Variants in XPO4 observed in about 807,000 individuals in gnomAD.
XPO4 encodes the protein exportin 4, also known as exportin-4.
Under a neutral mutation model 143.0 loss-of-function variants are expected in XPO4, and 39 were observed. That is an observed-to-expected ratio of 0.27 (90% CI 0.21 to 0.36). The LOEUF is 0.36. Ranked by LOEUF, XPO4 falls within the 10% of genes least tolerant of loss-of-function variation. The pLI, the probability that XPO4 is intolerant of heterozygous loss-of-function variation, is 1.00. For missense variants in XPO4, 907 were observed against 1,348.0 expected (o/e 0.67, Z 5.12); for synonymous variants, 439 against 474.0 (o/e 0.93, Z 0.96).
At chr13:20,850,899 T>C in intron 4 of XPO4, 4 of 985,368 alleles carry the variant, frequency 4.1e-6, no homozygotes, top group Non-Finnish European at 4.8e-6. Context: ...GAAAATTAGT[T>C]ATCTAATTTA....
chr13:20,845,554 T>C (rs2060021813), intron 4 of XPO4, among the ~76,000 whole-genome samples: 1 of 152,184 alleles, frequency 6.6e-6, no homozygotes. Context: ...CTAAGGCCTC[T>C]CACAGAAAAA....
rs988917263 is a variant in XPO4, at chr13:20,881,811, G to A, written c.70-13110C>T. The stretch of plus-strand genomic sequence containing the variant: ...GATCAAAGAACAGATTAGATACATC[G>A]GGGAAAAAATTAGGGGTTGGGCACA... On this transcript the variant is annotated intron_variant, in intron 1 of 22. Coordinates refer to ENST00000255305, the MANE Select transcript of XPO4 (RefSeq NM_022459.5). 4.6e-5 allele frequency among the ~76,000 whole-genome samples: 7 copies of A among 151,722 alleles called. 1 individual carries two copies. The highest frequency in any genetic ancestry group is 1.9e-4 in the East Asian group (1 of 5,182).
rs1168882983 is a variant in XPO4 at position 20,889,439 on chromosome 13, G to C, written c.69+13231C>G. ...TAATTTTGTCCCCCAAGGGACATCT[G>C]GCAGTGTATGGAAACATTTCTGGTT... On this transcript the variant is annotated intron_variant, in intron 1 of 22. Coordinates refer to ENST00000255305, the MANE Select transcript of XPO4 (RefSeq NM_022459.5). Among the ~76,000 whole-genome samples the C allele has an allele frequency of 2.0e-5, 3 of 152,144 alleles. No individual in the cohort carries two copies. The East Asian group carries it at 5.8e-4, about 29-fold the overall frequency.
At chr13:20,892,021 T>C (rs887260165) in intron 1 of XPO4, among the ~76,000 whole-genome samples, 1 of 147,954 alleles carries the variant, frequency 6.8e-6, no homozygotes, top group Non-Finnish European at 1.5e-5. Flanking sequence ...GACAAGTTTT[T>C]TTTTGTTTTG....
chr13:20,847,371 T>C (rs2060038534), intron 4 of XPO4, among the ~76,000 whole-genome samples: 1 of 152,100 alleles, frequency 6.6e-6, no homozygotes. Context: ...ACATTGTGGG[T>C]TGTAATGAAG....
At position 20,779,929 on chromosome 13, in the gene XPO4, G is replaced by GA. The variant is rs2059121946; in HGVS notation, c.*3792dup. ...GCCTAATTTGGACATTTTAATTTTAGAAAACCAATTTTTAAAAATTCTTAA... is the reference window on the plus strand; with the variant it reads ...GCCTAATTTGGACATTTTAATTTTAGAAAAACCAATTTTTAAAAATTCTTAA... On this transcript the variant is annotated 3_prime_UTR_variant, in exon 23 of 23. Coordinates refer to ENST00000255305, the MANE Select transcript of XPO4 (RefSeq NM_022459.5). 6.6e-6 allele frequency: 1 copy of GA among 152,354 alleles called. No individual in the cohort carries two copies. The highest frequency in any genetic ancestry group is 2.1e-4 in the South Asian group (1 of 4,836). 9.4% of individuals were successfully genotyped at this position (152,354 alleles called of 1,614,324 possible).
chr13:20,851,774 A>G (rs1418539898), intron 4 of XPO4: 1 of 984,954 alleles, frequency 1.0e-6, no homozygotes. Flanking sequence ...CTTTAAAAAA[A>G]ACTTTGGAGT....
rs149029288 is a variant in XPO4 at position 20,870,057 on chromosome 13, G to A, written c.70-1356C>T. Reference sequence around the variant, plus strand: ...AGAGGTTGCAGTGAGCTGATATGGCGCCACTGCACTCTAGCCTGGGTGAAG... The same window carrying A: ...AGAGGTTGCAGTGAGCTGATATGGCACCACTGCACTCTAGCCTGGGTGAAG... On this transcript the variant is annotated intron_variant, in intron 1 of 22. Coordinates refer to ENST00000255305, the MANE Select transcript of XPO4 (RefSeq NM_022459.5). Among the ~76,000 whole-genome samples the A allele has an allele frequency of 5.7e-3, 766 of 135,200 alleles. 9 individuals carry two copies. Among genetic ancestry groups the A allele is most frequent in the African/African-American group, 0.02 (705 of 35,602 alleles). 88.7% of individuals were successfully genotyped at this position (135,200 alleles called of 152,430 possible). A position where few individuals can be genotyped will look rare whatever the true frequency, so the allele number is the denominator to read the frequency against.
chr13:20,847,374 T>A (rs1251281156), intron 4 of XPO4, among the ~76,000 whole-genome samples: 1 of 152,116 alleles, frequency 6.6e-6, no homozygotes, highest in Non-Finnish European at 1.5e-5. Context: ...TTGTGGGTTG[T>A]AATGAAGATA....
In XPO4 at chr13:20,809,231, G is replaced by A. The variant is rs2059545062; in HGVS notation, c.1351-6C>T. 1 of 1,612,012 alleles carries A rather than the reference G, an allele frequency of 6.2e-7. No individual in the cohort carries two copies. Among genetic ancestry groups the A allele is most frequent in the African/African-American group, 1.3e-5 (1 of 74,836 alleles). ...GAGGCCACACCATTGGCAGTCTATT[G>A]CAAGTAAAAGAAATAAACAATGAGG... On this transcript the variant is annotated splice_polypyrimidine_tract_variant and splice_region_variant and intron_variant, in intron 10 of 22. Transcript: ENST00000255305.
At chr13:20,816,950 A>T (rs768799202) in intron 9 of XPO4, among the ~76,000 whole-genome samples, 51 of 152,230 alleles carry the variant, frequency 3.4e-4, no homozygotes, top group Non-Finnish European at 4.7e-4. Context: ...CATGGATTTA[A>T]TTCTATCTTT....
At chr13:20,842,479 C>T (rs1465070619) in intron 6 of XPO4, among the ~76,000 whole-genome samples, 2 of 152,072 alleles carry the variant, frequency 1.3e-5, no homozygotes, top group Non-Finnish European at 2.9e-5. Context: ...ACATCACCAT[C>T]CATAAAGATT....
chr13:20,869,055 G>A (rs1425360616), intron 1 of XPO4, among the ~76,000 whole-genome samples: 2 of 152,006 alleles, frequency 1.3e-5, no homozygotes, highest in Non-Finnish European at 2.9e-5. Context: ...GGACTAACTT[G>A]ACCTAGTTCA....
intron 6 of XPO4, among the ~76,000 whole-genome samples, chr13:20,829,923 TA>T (rs2059831851): frequency 6.6e-6 from 1 of 152,230 alleles, no homozygotes; most frequent in South Asian, 2.1e-4. Context: ...TATCTTTTTA[TA>T]AATTATAAAA....
chr13:20,899,706 AAAC>A (rs1484399650), intron 1 of XPO4, among the ~76,000 whole-genome samples: 6 of 152,338 alleles, frequency 3.9e-5, no homozygotes, highest in Non-Finnish European at 5.9e-5. Context: ...GATTTCCATA[AAAC>A]AACTATATGA....
Position 20,778,460 on chromosome 13 carries a change from T to G in XPO4, c.*5262A>C, listed in dbSNP as rs575828291. ...TTTAACACTGGGCAAAGGGTGGATC[T>G]ATCTAGCACACAGTAATATGGTAAT... On this transcript the variant is annotated 3_prime_UTR_variant, in exon 23 of 23. Coordinates refer to ENST00000255305, the MANE Select transcript of XPO4 (RefSeq NM_022459.5). The G allele has an allele frequency of 6.6e-6, 1 of 152,348 alleles. No individual in the cohort carries two copies. 9.4% of individuals were successfully genotyped at this position (152,348 alleles called of 1,614,324 possible). A position where few individuals can be genotyped will look rare whatever the true frequency, so the allele number is the denominator to read the frequency against.
chr13:20,892,241 C>T (rs1244860064), intron 1 of XPO4, among the ~76,000 whole-genome samples: 1 of 152,070 alleles, frequency 6.6e-6, no homozygotes, highest in Non-Finnish European at 1.5e-5. Context: ...CATGCACCAC[C>T]ATGCCTGGCT....
At position 20,816,253 on chromosome 13, in the gene XPO4, T is replaced by C. The variant is rs898028750; in HGVS notation, c.1173+5451A>G. Among the ~76,000 whole-genome samples the C allele has an allele frequency of 1.1e-4, 17 of 152,340 alleles. No homozygotes were observed. In the East Asian group the frequency reaches 3.3e-3, roughly 29 times the overall value. On this transcript the variant is annotated intron_variant, in intron 9 of 22. Coordinates refer to ENST00000255305, the MANE Select transcript of XPO4 (RefSeq NM_022459.5). ...GACTGAAAGAGCTATACTATTAGTT[T>C]ATGCTGTTATTCATCTGCTATTGGT...
At position 20,863,028 on chromosome 13, in the gene XPO4, A is replaced by G. The variant is rs142122141; in HGVS notation, c.176-170T>C. 5 of 1,364,002 alleles carry G rather than the reference A, an allele frequency of 3.7e-6. No homozygotes were observed. In the Admixed American group the frequency reaches 8.9e-5, roughly 24 times the overall value. The allele number at this position is 1,364,002 out of a possible 1,614,324, so 84.5% of individuals were successfully genotyped here. On this transcript the variant is annotated intron_variant, in intron 2 of 22. Transcript: ENST00000255305. The stretch of plus-strand genomic sequence containing the variant: ...CACCACAAAGAGGTTAGTTCCTCTC[A>G]GAAGACACCTCAGGCAGGTGGCAGC...
Sources: allele counts gnomAD v4.1 joint callset (sites outside exome capture counted in the v4.1 genomes callset), GRCh38; gene constraint gnomAD v4.1.1; transcripts MANE v1.5; gene names NCBI Gene and HGNC (gene_info 2026-07-23, HGNC 2026-07-21).